The following LYRM4 variants were observed in gnomAD, a reference collection of about 807,000 sequenced individuals.
The protein encoded by LYRM4 is LYR motif-containing protein 4.
A neutral mutation model predicts 11.7 loss-of-function variants in LYRM4; 9 were observed. That is an observed-to-expected ratio of 0.77 (90% confidence interval 0.46 to 1.34). The LOEUF is 1.34. LYRM4 is among the 40% of genes most tolerant of loss of function. The pLI is 0.00. For missense variants in LYRM4, 133 were observed against 112.5 expected (o/e 1.18, Z -0.82); for synonymous variants, 42 against 40.4 (o/e 1.04, Z -0.15).
At chr6:5,070,809 T>C in the LYRM4 span, among the ~76,000 whole-genome samples, 1 of 136,016 alleles carries the variant, frequency 7.4e-6, no homozygotes, top group Admixed American at 8.3e-5. Flanking sequence ...AATTCAAGGC[T>C]GCAGTGAGCC....
At chr6:5,192,723 T>C (rs1348400469) in intron 2 of LYRM4, among the ~76,000 whole-genome samples, 1 of 152,184 alleles carries the variant, frequency 6.6e-6, no homozygotes. Context: ...GTGTATTCCG[T>C]TGTATCCAAA....
intron 2 of LYRM4, among the ~76,000 whole-genome samples, chr6:5,206,010 A>G (rs1404057282): frequency 6.6e-6 from 1 of 152,216 alleles, no homozygotes; most frequent in Non-Finnish European, 1.5e-5. Context: ...CCAGCATTAC[A>G]TAACTCAGCA....
intron 1 of LYRM4, among the ~76,000 whole-genome samples, chr6:5,229,003 CAA>C (rs70974180): frequency 5.3e-5 from 2 of 37,998 alleles, no homozygotes; most frequent in Admixed American, 5.5e-4. Flanking sequence ...GGCTCAGTCT[CAA>C]AAAAAAAAAA....
chr6:5,049,870 A>G, the LYRM4 span, among the ~76,000 whole-genome samples: 1 of 152,084 alleles, frequency 6.6e-6, no homozygotes, highest in Non-Finnish European at 1.5e-5. Context: ...GGGTTTCATC[A>G]TGTTGGCCAG....
At chr6:5,155,213 C>A (rs1419378339) in intron 2 of LYRM4, among the ~76,000 whole-genome samples, 1 of 152,084 alleles carries the variant, frequency 6.6e-6, no homozygotes, top group Non-Finnish European at 1.5e-5. Context: ...TCCTGAGTAG[C>A]TGGGATTACA....
downstream of LYRM4, among the ~76,000 whole-genome samples, chr6:5,100,177 G>A (rs1161514274): frequency 6.6e-6 from 1 of 152,172 alleles, no homozygotes; most frequent in South Asian, 2.1e-4. Context: ...ATAAAACCCA[G>A]CATGTGCCAA....
At chr6:5,086,269 G>A in the LYRM4 span, 1 of 1,535,586 alleles carries the variant, frequency 6.5e-7, no homozygotes, top group Non-Finnish European at 8.7e-7. Context: ...CTCCTTCCTG[G>A]ACGTGCCGGC....
chr6:5,159,770 A>G (rs1326607723), intron 2 of LYRM4, among the ~76,000 whole-genome samples: 1 of 152,198 alleles, frequency 6.6e-6, no homozygotes, highest in East Asian at 1.9e-4. Flanking sequence ...CTCAGTTCAC[A>G]GTTCTTGATA....
chr6:5,043,042 G>C, the LYRM4 span: 110,993 of 151,976 alleles, frequency 0.73, 41,308 homozygotes, highest in East Asian at 0.95. Context: ...GACTTCTACT[G>C]TATGCTCCAG....
chr6:5,090,844 A>C, the LYRM4 span, among the ~76,000 whole-genome samples: 6 of 152,280 alleles, frequency 3.9e-5, no homozygotes, highest in South Asian at 8.3e-4. The surrounding 1 kb of genome is among the most constrained non-coding windows in gnomAD (Gnocchi z 4.8). Context: ...TTTCTATTTT[A>C]GTAGGCTAAG....
intron 2 of LYRM4, among the ~76,000 whole-genome samples, chr6:5,109,978 G>A (rs1762806724): frequency 6.6e-6 from 1 of 152,196 alleles, no homozygotes; most frequent in South Asian, 2.1e-4. Context: ...TGGGGTCGAG[G>A]GCAGTTGTCT....
downstream of LYRM4, chr6:5,103,869 A>G (rs1762579548): frequency 6.6e-6 from 1 of 151,708 alleles, no homozygotes; most frequent in African/African-American, 2.4e-5. Context: ...AACTCCTGAC[A>G]TCGTGGTCCA....
intron 1 of LYRM4, among the ~76,000 whole-genome samples, chr6:5,248,599 C>T (rs1764297123): frequency 1.3e-5 from 2 of 152,262 alleles, no homozygotes; most frequent in African/African-American, 2.4e-5. Flanking sequence ...CTGTTTGTTT[C>T]TCATCTGCTC....
intron 2 of LYRM4, among the ~76,000 whole-genome samples, chr6:5,170,482 TTTTA>T (rs61679234): frequency 7.8e-4 from 118 of 151,358 alleles, no homozygotes; most frequent in African/African-American, 2.4e-3. Flanking sequence ...ACTTTATTTC[TTTTA>T]TTTATTTATT....
the LYRM4 span, among the ~76,000 whole-genome samples, chr6:5,096,322 T>G: frequency 6.6e-6 from 1 of 152,076 alleles, no homozygotes; most frequent in Admixed American, 6.5e-5. Flanking sequence ...AGACCCTATA[T>G]CTACAAAAAA....
At chr6:5,195,239 G>A (rs1202708121) in intron 2 of LYRM4, among the ~76,000 whole-genome samples, 1 of 152,116 alleles carries the variant, frequency 6.6e-6, no homozygotes, top group East Asian at 1.9e-4. Context: ...GTAAAGCAAT[G>A]TACATATTGA....
intron 2 of LYRM4, among the ~76,000 whole-genome samples, chr6:5,120,784 A>T (rs1398530379): frequency 6.6e-6 from 1 of 152,040 alleles, no homozygotes; most frequent in African/African-American, 2.4e-5. Flanking sequence ...TGCATTTTAC[A>T]AACCTCTAGC....
chr6:5,081,104 A>G, the LYRM4 span, among the ~76,000 whole-genome samples: 1 of 138,782 alleles, frequency 7.2e-6, no homozygotes, highest in Non-Finnish European at 1.5e-5. Flanking sequence ...GAGGCACATG[A>G]TGTTTGAAGT....
intron 2 of LYRM4, chr6:5,136,265 C>T: frequency 1.0e-6 from 1 of 982,224 alleles, no homozygotes; most frequent in Middle Eastern, 5.2e-4. Flanking sequence ...AATGGAATCA[C>T]TAGATCATTT....
Sources: allele counts gnomAD v4.1 joint callset (sites outside exome capture counted in the v4.1 genomes callset), GRCh38; gene constraint gnomAD v4.1.1; non-coding constraint Gnocchi (gnomAD v3.1); transcripts MANE v1.5; gene names NCBI Gene and HGNC (gene_info 2026-07-23, HGNC 2026-07-21).